The following PCGF5 variants were observed in gnomAD, a reference collection of about 807,000 sequenced individuals.
PCGF5 encodes the protein polycomb group RING finger protein 5.
In PCGF5, 9 loss-of-function variants were observed where a neutral mutation model predicts 44.3. The observed-to-expected ratio is 0.20, with a 90% CI of 0.12 to 0.35. The LOEUF is 0.35. PCGF5 is among the 10% of genes least tolerant of loss of function. The pLI is 1.00. For missense variants in PCGF5, 146 were observed against 305.3 expected (o/e 0.48, Z 3.89); for synonymous variants, 95 against 102.5 (o/e 0.93, Z 0.44).
In PCGF5 at chr10:91,181,700, G is replaced by A. The variant is rs570936951; in HGVS notation, c.-184+18619G>A. Among the ~76,000 whole-genome samples the A allele has an allele frequency of 1.3e-3, 196 of 152,304 alleles. 5 individuals carry two copies. The South Asian group carries it at 0.037, about 29-fold the overall frequency. On this transcript the variant is annotated intron_variant, in intron 1 of 9. Coordinates refer to the PCGF5 transcript ENST00000614189. ...GATTTGTGTATGTTGAACCAACCTT[G>A]CATCCCGGGGATGAAGACCACTTGA...
intron 1 of PCGF5, among the ~76,000 whole-genome samples, chr10:91,174,569 T>C (rs79117543): frequency 0.077 from 11,660 of 152,304 alleles, 1,019 homozygotes; most frequent in African/African-American, 0.21. Flanking sequence ...CCTATCATGC[T>C]TTAAGACTAA....
intron 1 of PCGF5, among the ~76,000 whole-genome samples, chr10:91,207,870 C>T (rs1265552066): frequency 6.6e-6 from 1 of 152,204 alleles, no homozygotes; most frequent in Non-Finnish European, 1.5e-5. Context: ...AGAGCATCAT[C>T]TCAGCAGGTA....
At chr10:91,193,831 A>G (rs990573428) in intron 1 of PCGF5, among the ~76,000 whole-genome samples, 7 of 152,198 alleles carry the variant, frequency 4.6e-5, no homozygotes, top group African/African-American at 1.7e-4. Context: ...GATAGCAGGA[A>G]TCCTAATATG....
At chr10:91,160,614 CAAG>C (rs1254729220), upstream of PCGF5, among the ~76,000 whole-genome samples, 5 of 151,312 alleles carry the variant, frequency 3.3e-5, no homozygotes, top group Non-Finnish European at 7.4e-5. Flanking sequence ...AGGAGTAGGA[CAAG>C]AAGAGGGGAG....
rs1845620325 is a variant in PCGF5 at position 91,251,383 on chromosome 10, T to C, written c.417T>C (p.Ile139=). Residue 139 remains isoleucine, a synonymous_variant, in exon 6 of 10, where the codon ATT becomes ATC. Transcript: ENST00000336126. ...DKDYHRSDPQ[I]AICLDCLRNN... ...ATTATCACAGAAGTGACCCACAAAT[T>C]GCTATCTGTCTAGATTGTTTACGAA... 1 of 1,611,344 alleles carries C rather than the reference T, an allele frequency of 6.2e-7. No homozygotes were observed. Among genetic ancestry groups the C allele is most frequent in the African/African-American group, 1.3e-5 (1 of 74,746 alleles).
chr10:91,185,697 A>T (rs768772981), intron 1 of PCGF5, among the ~76,000 whole-genome samples: 16 of 152,176 alleles, frequency 1.1e-4, no homozygotes, highest in Non-Finnish European at 2.1e-4. Flanking sequence ...TGTGTGTCGG[A>T]CTGAAGGCCC....
intron 1 of PCGF5, among the ~76,000 whole-genome samples, chr10:91,169,245 C>A (rs1427844247): frequency 1.3e-5 from 2 of 152,040 alleles, no homozygotes; most frequent in African/African-American, 2.4e-5. Context: ...ATTGATTACC[C>A]TAATCATGAT....
intron 1 of PCGF5, among the ~76,000 whole-genome samples, chr10:91,175,257 C>T (rs1373527967): frequency 6.6e-6 from 1 of 152,014 alleles, no homozygotes; most frequent in Non-Finnish European, 1.5e-5. Flanking sequence ...GTAGGGATGC[C>T]AGACAAAACA....
At chr10:91,216,846 G>C (rs1412882240), upstream of PCGF5, among the ~76,000 whole-genome samples, 2 of 152,104 alleles carry the variant, frequency 1.3e-5, no homozygotes, top group African/African-American at 4.8e-5. Flanking sequence ...TAGATTTAGA[G>C]TTATAATATT....
chr10:91,237,365 AGTT>A (rs1845193317), intron 2 of PCGF5, among the ~76,000 whole-genome samples: 1 of 152,238 alleles, frequency 6.6e-6, no homozygotes, highest in Non-Finnish European at 1.5e-5. Flanking sequence ...AGCATCTTAA[AGTT>A]GTCTTTTACT....
At chr10:91,224,025 A>G (rs547497103) in intron 2 of PCGF5, among the ~76,000 whole-genome samples, 1 of 152,262 alleles carries the variant, frequency 6.6e-6, no homozygotes, top group South Asian at 2.1e-4. Context: ...TTATACCAGT[A>G]GTTTTAAATG....
intron 3 of PCGF5, among the ~76,000 whole-genome samples, chr10:91,241,084 T>C (rs545312226): frequency 9.8e-4 from 147 of 150,216 alleles, no homozygotes; most frequent in Non-Finnish European, 1.4e-3. Flanking sequence ...TATTTATTTA[T>C]TTATTTTGAG....
intron 1 of PCGF5, among the ~76,000 whole-genome samples, chr10:91,191,299 A>G (rs754049485): frequency 1.1e-4 from 17 of 152,214 alleles, no homozygotes; most frequent in Non-Finnish European, 1.9e-4. Flanking sequence ...TGATGCTGCA[A>G]CAGTCAATCT....
chr10:91,174,727 G>T (rs1469090849), intron 1 of PCGF5, among the ~76,000 whole-genome samples: 1 of 152,134 alleles, frequency 6.6e-6, no homozygotes, highest in Non-Finnish European at 1.5e-5. Flanking sequence ...GTAAAATACA[G>T]AAAAATTATG....
At chr10:91,217,191 G>A (rs1483999742), upstream of PCGF5, among the ~76,000 whole-genome samples, 7 of 152,058 alleles carry the variant, frequency 4.6e-5, no homozygotes, top group Admixed American at 6.6e-5. Context: ...CTGCCACCAC[G>A]CCCTGCTAAT....
At chr10:91,187,377 A>C (rs1010974669) in intron 1 of PCGF5, among the ~76,000 whole-genome samples, 1 of 152,110 alleles carries the variant, frequency 6.6e-6, no homozygotes, top group Non-Finnish European at 1.5e-5. Flanking sequence ...CAGGCACCTT[A>C]CTGAGCTTTT....
intron 9 of PCGF5, among the ~76,000 whole-genome samples, chr10:91,272,810 G>T (rs1041608901): frequency 1.3e-5 from 2 of 151,980 alleles, no homozygotes; most frequent in Non-Finnish European, 2.9e-5. Context: ...AAAATCCACC[G>T]TTCTTTTATT....
intron 1 of PCGF5, among the ~76,000 whole-genome samples, chr10:91,165,043 T>G (rs781094071): frequency 6.6e-6 from 1 of 152,238 alleles, no homozygotes; most frequent in Non-Finnish European, 1.5e-5. Context: ...TAAACTCTTT[T>G]CCAGATTTCT....
intron 6 of PCGF5, among the ~76,000 whole-genome samples, chr10:91,254,093 T>C (rs1013039875): frequency 5.3e-5 from 8 of 152,116 alleles, no homozygotes; most frequent in African/African-American, 1.7e-4. Flanking sequence ...AGCACCTCTT[T>C]TAATAAGTTT....
Sources: gnomAD v4.1 joint callset for allele counts (sites outside exome capture counted in the v4.1 genomes callset) on GRCh38, gnomAD v4.1.1 for gene constraint, MANE v1.5 for transcripts, NCBI Gene and HGNC (gene_info 2026-07-23, HGNC 2026-07-21) for gene names.